The following DIP2B variants were observed in gnomAD, a reference collection of about 807,000 sequenced individuals.
DIP2B encodes the protein DIP2 acetate--CoA ligase B (putative).
Under a neutral mutation model 198.0 loss-of-function variants are expected in DIP2B, and 76 were observed. That is an observed-to-expected ratio of 0.38 (90% CI 0.32 to 0.46). The LOEUF (loss-of-function observed/expected upper bound fraction) is 0.46, where lower values mean the gene tolerates loss of function less well. Ranked by LOEUF, DIP2B falls within the 20% of genes least tolerant of loss-of-function variation. DIP2B has a pLI of 0.99. For missense variants in DIP2B, 1,559 were observed against 1,978.4 expected (o/e 0.79, Z 4.02); for synonymous variants, 701 against 739.1 (o/e 0.95, Z 0.84).
At chr12:50,708,690 A>T (rs1312910957) in intron 22 of DIP2B, 128 bp downstream of exon 22, 1 of 693,384 alleles carries the variant, frequency 1.4e-6, no homozygotes, top group African/African-American at 1.8e-5. Flanking sequence ...TACTCTGGGT[A>T]CTACTAGCAA....
At position 50,531,452 on chromosome 12, in the gene DIP2B, A is replaced by G. The variant is rs78564258; in HGVS notation, c.100+26212A>G. Among the ~76,000 whole-genome samples the G allele has an allele frequency of 6.0e-4, 91 of 152,366 alleles. 1 individual carries two copies. The East Asian group carries it at 0.014, about 24-fold the overall frequency. On this transcript the variant is annotated intron_variant, in intron 1 of 37. Transcript: ENST00000301180. ...AACCTGGAAAAGAGGTCAGAGGGGT[A>G]TGAGTGACCAGAGGGAGAAGAGCAA...
At chr12:50,719,632 A>G (rs532444988) in intron 25 of DIP2B, among the ~76,000 whole-genome samples, 21 of 152,198 alleles carry the variant, frequency 1.4e-4, no homozygotes, top group African/African-American at 5.1e-4. Flanking sequence ...ACTTGAGGTC[A>G]GGAGTTCAAG....
intron 5 of DIP2B, among the ~76,000 whole-genome samples, chr12:50,672,983 T>C (rs1938880629): frequency 6.6e-6 from 1 of 152,202 alleles, no homozygotes; most frequent in Admixed American, 6.5e-5. Context: ...GCCATTCCCC[T>C]ATTAAATAGT....
chr12:50,745,697 A>T lies in DIP2B; in HGVS notation c.*858A>T, dbSNP rs750545325. On this transcript the variant is annotated 3_prime_UTR_variant, in exon 38 of 38. Coordinates refer to ENST00000301180, the MANE Select transcript of DIP2B (RefSeq NM_173602.3). ...CCTGTTTCTAAAAGCTGAAAATCTC[A>T]GTTTAAAAATCAAAATGTTAACACA... 1 of 152,654 alleles carries T rather than the reference A, an allele frequency of 6.6e-6. No homozygotes were observed. Among genetic ancestry groups the T allele is most frequent in the African/African-American group, 2.4e-5 (1 of 41,466 alleles). 9.5% of individuals were successfully genotyped at this position (152,654 alleles called of 1,614,324 possible).
intron 1 of DIP2B, among the ~76,000 whole-genome samples, chr12:50,565,644 TGCCA>T (rs1248850812): frequency 6.6e-6 from 1 of 152,166 alleles, no homozygotes; most frequent in Non-Finnish European, 1.5e-5. Flanking sequence ...GTTACGTCAA[TGCCA>T]GCTGTTTTTA....
chr12:50,661,332 T>C (rs1172004630), intron 4 of DIP2B, among the ~76,000 whole-genome samples: 1 of 152,168 alleles, frequency 6.6e-6, no homozygotes, highest in African/African-American at 2.4e-5. Flanking sequence ...TAGGTTGCCT[T>C]ATGGTTGACT....
At chr12:50,625,052 C>A (rs1318267409) in intron 1 of DIP2B, among the ~76,000 whole-genome samples, 1 of 151,936 alleles carries the variant, frequency 6.6e-6, no homozygotes, top group African/African-American at 2.4e-5. Context: ...GACTTTTTTT[C>A]CTGTTTTATA....
chr12:50,741,410 T>C lies in DIP2B; in HGVS notation c.4355-6T>C. On this transcript the variant is annotated splice_region_variant and splice_polypyrimidine_tract_variant and intron_variant, in intron 36 of 37. Transcript: ENST00000301180. ...AGCCACATTTCTCTCTTTTTCTTTC[T>C]GTCAGAGCGTCATGATGCATTGTAT... The C allele has an allele frequency of 6.2e-7, 1 of 1,613,466 alleles. No homozygotes were observed. Among genetic ancestry groups the C allele is most frequent in the Non-Finnish European group, 8.5e-7 (1 of 1,179,796 alleles).
intron 1 of DIP2B, among the ~76,000 whole-genome samples, chr12:50,608,687 G>A (rs1156522781): frequency 1.3e-5 from 2 of 151,424 alleles, no homozygotes; most frequent in South Asian, 2.1e-4. Context: ...ACAGTCTATC[G>A]ATCAACTAGT....
intron 33 of DIP2B, 142 bp from the exon 34 acceptor site, chr12:50,734,931 T>C: frequency 2.1e-6 from 2 of 964,014 alleles, no homozygotes; most frequent in Admixed American, 4.6e-5. Flanking sequence ...AAAATGTTAG[T>C]AGTGCTGAGT....
At chr12:50,716,581 T>A (rs530569317) in intron 23 of DIP2B, among the ~76,000 whole-genome samples, 2 of 152,300 alleles carry the variant, frequency 1.3e-5, no homozygotes, top group African/African-American at 4.8e-5. Context: ...GTACAAAGAT[T>A]TTCCTTACAC....
chr12:50,658,455 A>G (rs1201752031), intron 3 of DIP2B, among the ~76,000 whole-genome samples: 2 of 152,144 alleles, frequency 1.3e-5, no homozygotes, highest in Non-Finnish European at 2.9e-5. Context: ...TGGATTTTGA[A>G]TAATGTCCTG....
chr12:50,704,943 A>G (rs994702949), intron 20 of DIP2B, among the ~76,000 whole-genome samples: 3 of 152,074 alleles, frequency 2.0e-5, no homozygotes, highest in Non-Finnish European at 4.4e-5. Context: ...GCGAGACTTC[A>G]TTTCAAAAAA....
intron 8 of DIP2B, chr12:50,679,311 A>T (rs1250830338): frequency 5.8e-6 from 1 of 172,388 alleles, no homozygotes; most frequent in East Asian, 1.6e-4. Flanking sequence ...AATTTTGCAT[A>T]CTAGCTAAAA....
chr12:50,584,790 G>T (rs1261950175), intron 1 of DIP2B, among the ~76,000 whole-genome samples: 1 of 152,222 alleles, frequency 6.6e-6, no homozygotes, highest in African/African-American at 2.4e-5. Context: ...TCTTGAACTC[G>T]TGACCTCAAG....
intron 1 of DIP2B, among the ~76,000 whole-genome samples, chr12:50,537,113 A>ATT (rs1958275944): frequency 6.5e-5 from 2 of 30,558 alleles, no homozygotes; most frequent in Admixed American, 4.9e-4. Flanking sequence ...ATTATTCTCT[A>ATT]ATTTTTTTTT....
Position 50,731,366 on chromosome 12 carries a change from C to T in DIP2B, c.3642-3C>T. 5 of 1,612,454 alleles carry T rather than the reference C, an allele frequency of 3.1e-6. No homozygotes were observed. Among genetic ancestry groups the T allele is most frequent in the Non-Finnish European group, 4.2e-6 (5 of 1,179,178 alleles). ...ATTCCAGCTCTTGTCTCTTTCACTG[C>T]AGTGTCTATTCAGGCCACCAGTCTG... On this transcript the variant is annotated splice_region_variant and splice_polypyrimidine_tract_variant and intron_variant, in intron 30 of 37. Coordinates refer to ENST00000301180, the MANE Select transcript of DIP2B (RefSeq NM_173602.3).
At chr12:50,597,041 C>A (rs959975070) in intron 1 of DIP2B, among the ~76,000 whole-genome samples, 1 of 152,074 alleles carries the variant, frequency 6.6e-6, no homozygotes, top group Non-Finnish European at 1.5e-5. Context: ...GGGAAACTTA[C>A]CAATTTCCCC....
intron 5 of DIP2B, 110 bp downstream of exon 5, chr12:50,671,508 G>A (rs1359255702): frequency 9.6e-7 from 1 of 1,047,042 alleles, no homozygotes; most frequent in Non-Finnish European, 1.4e-6. Flanking sequence ...CTAAAAAAAA[G>A]AATTAGAGAA....
Sources: gnomAD v4.1 joint callset for allele counts (sites outside exome capture counted in the v4.1 genomes callset) on GRCh38, gnomAD v4.1.1 for gene constraint, MANE v1.5 for transcripts, NCBI Gene and HGNC (gene_info 2026-07-23, HGNC 2026-07-21) for gene names.